Variants in KIRREL1 observed in about 807,000 individuals in gnomAD.
KIRREL1 encodes kirre like nephrin family adhesion molecule 1.
In KIRREL1, 25 loss-of-function variants were observed where a neutral mutation model predicts 83.3. That is an observed-to-expected ratio of 0.30 (90% CI 0.22 to 0.42). KIRREL1 has a LOEUF of 0.42. Among genes scored for constraint, KIRREL1 ranks in the 10% least tolerant of loss-of-function variants. The pLI, the probability that KIRREL1 is intolerant of heterozygous loss-of-function variation, is 1.00. For missense variants in KIRREL1, 812 were observed against 1,032.3 expected (o/e 0.79, Z 2.92); for synonymous variants, 388 against 410.4 (o/e 0.95, Z 0.66).
At chr1:158,042,473 C>T (rs184654714) in intron 1 of KIRREL1, among the ~76,000 whole-genome samples, 11 of 152,228 alleles carry the variant, frequency 7.2e-5, no homozygotes, top group African/African-American at 2.6e-4. Context: ...TTACCTGAGC[C>T]TCAGTTTCCA....
At chr1:158,049,532 T>G (rs1660859892) in intron 1 of KIRREL1, among the ~76,000 whole-genome samples, 3 of 152,194 alleles carry the variant, frequency 2.0e-5, no homozygotes, top group African/African-American at 7.2e-5. Context: ...AATTTGAACT[T>G]CATCTGAAGT....
At chr1:158,087,687 G>A (rs773270292) in intron 5 of KIRREL1, 68 bp from the exon 6 acceptor site, 31 of 1,110,122 alleles carry the variant, frequency 2.8e-5, no homozygotes, top group Middle Eastern at 2.0e-4. Flanking sequence ...CTGAATGTAC[G>A]TGTTAGGGAG....
intron 1 of KIRREL1, among the ~76,000 whole-genome samples, chr1:158,054,988 C>T (rs1661013133): frequency 6.6e-6 from 1 of 152,134 alleles, no homozygotes. Context: ...TCTTCAGACT[C>T]ATTTCTTTGG....
intron 1 of KIRREL1, among the ~76,000 whole-genome samples, chr1:158,069,691 G>C (rs1244404052): frequency 6.6e-6 from 1 of 152,208 alleles, no homozygotes; most frequent in Non-Finnish European, 1.5e-5. Flanking sequence ...TGGCCAGGCT[G>C]CTGAGATGGC....
intron 1 of KIRREL1, among the ~76,000 whole-genome samples, chr1:158,057,222 T>C (rs1410312386): frequency 6.6e-6 from 1 of 152,114 alleles, no homozygotes; most frequent in Admixed American, 6.6e-5. Flanking sequence ...TCAGCTTTAT[T>C]TGGGGTTTGG....
chr1:158,042,669 G>T (rs1479278061), intron 1 of KIRREL1, among the ~76,000 whole-genome samples: 2 of 152,122 alleles, frequency 1.3e-5, no homozygotes, highest in Non-Finnish European at 2.9e-5. Context: ...AGGTAGGTAC[G>T]ACTATTCCCC....
At chr1:158,018,116 G>C (rs1659885547) in intron 1 of KIRREL1, among the ~76,000 whole-genome samples, 1 of 152,152 alleles carries the variant, frequency 6.6e-6, no homozygotes, top group Non-Finnish European at 1.5e-5. Flanking sequence ...TTTAGCCAGA[G>C]AGTCTTGTCC....
intron 5 of KIRREL1, 59 bp downstream of exon 5, chr1:158,086,805 G>A (rs1662030760): frequency 2.1e-6 from 3 of 1,450,330 alleles, no homozygotes; most frequent in African/African-American, 1.4e-5. Flanking sequence ...GTGTGTTTGA[G>A]AAGCACACTC....
chr1:158,058,260 C>T (rs960374936), intron 1 of KIRREL1, among the ~76,000 whole-genome samples: 1 of 152,236 alleles, frequency 6.6e-6, no homozygotes, highest in Non-Finnish European at 1.5e-5. Context: ...TTCCTGCCCT[C>T]AGCCCCTCTG....
At chr1:158,061,615 CCT>C (rs1173810040) in intron 1 of KIRREL1, among the ~76,000 whole-genome samples, 2 of 152,160 alleles carry the variant, frequency 1.3e-5, no homozygotes, top group Non-Finnish European at 2.9e-5. Flanking sequence ...TCTGGCCTCT[CCT>C]CTGGCTGGCA....
intron 1 of KIRREL1, 151 bp downstream of exon 1, chr1:157,993,879 G>T (rs1427832583): frequency 3.8e-5 from 18 of 473,286 alleles, no homozygotes; most frequent in Non-Finnish European, 7.6e-6. Context: ...CGGGCGCAGA[G>T]CCCTGGGGGA....
chr1:158,052,304 C>T (rs1467220407), intron 1 of KIRREL1, among the ~76,000 whole-genome samples: 1 of 152,150 alleles, frequency 6.6e-6, no homozygotes, highest in East Asian at 1.9e-4. Flanking sequence ...CCCAGCCAAC[C>T]CACCCAACAT....
In KIRREL1 at chr1:158,071,609, A is replaced by G. The variant is rs1164800138; in HGVS notation, c.53-4504A>G. On this transcript the variant is annotated intron_variant, in intron 1 of 14. Coordinates refer to ENST00000359209, the MANE Select transcript of KIRREL1 (RefSeq NM_018240.7). ...TTTTCACTGTATGTCTGTGGTCAGG[A>G]CCTTCCTGGTTCCCCTCCCACCTGG... 2.0e-5 allele frequency among the ~76,000 whole-genome samples: 3 copies of G among 152,036 alleles called. No individual in the cohort carries two copies. In the East Asian group the frequency reaches 5.8e-4, roughly 30 times the overall value.
intron 4 of KIRREL1, among the ~76,000 whole-genome samples, chr1:158,085,875 A>G (rs1399432959): frequency 6.6e-6 from 1 of 152,198 alleles, no homozygotes; most frequent in Non-Finnish European, 1.5e-5. Context: ...AGTTTAGCAG[A>G]AGAAACCCAA....
chr1:158,064,610 A>C (rs1661311749), intron 1 of KIRREL1, among the ~76,000 whole-genome samples: 1 of 152,202 alleles, frequency 6.6e-6, no homozygotes, highest in African/African-American at 2.4e-5. Context: ...AGCCTCTGCT[A>C]TGTGCTATTA....
At chr1:158,058,570 T>C (rs1187486611) in intron 1 of KIRREL1, among the ~76,000 whole-genome samples, 1 of 151,954 alleles carries the variant, frequency 6.6e-6, no homozygotes, top group Admixed American at 6.6e-5. Flanking sequence ...CACCCAGGGT[T>C]AGGAATTCTG....
At chr1:158,086,355 G>C (rs1570993764) in intron 4 of KIRREL1, among the ~76,000 whole-genome samples, 1 of 151,936 alleles carries the variant, frequency 6.6e-6, no homozygotes, top group Admixed American at 6.6e-5. Context: ...AGGCCAGCCT[G>C]GGCAACATAG....
chr1:158,044,735 G>A (rs1660729641), intron 1 of KIRREL1, among the ~76,000 whole-genome samples: 1 of 152,184 alleles, frequency 6.6e-6, no homozygotes, highest in Non-Finnish European at 1.5e-5. Flanking sequence ...CTGGCCTCAA[G>A]TGATCCGCTC....
chr1:158,062,014 G>A (rs1661226196), intron 1 of KIRREL1, among the ~76,000 whole-genome samples: 1 of 152,110 alleles, frequency 6.6e-6, no homozygotes, highest in Non-Finnish European at 1.5e-5. Context: ...CACATGCTTT[G>A]GGGTCCCAGG....
Sources: allele counts gnomAD v4.1 joint callset (sites outside exome capture counted in the v4.1 genomes callset), GRCh38; gene constraint gnomAD v4.1.1; transcripts MANE v1.5; gene names NCBI Gene and HGNC (gene_info 2026-07-23, HGNC 2026-07-21).